Variants in GUCY2F observed in about 807,000 individuals in gnomAD.
The protein encoded by GUCY2F is guanylate cyclase 2F, retinal, also known as retinal guanylyl cyclase 2.
GUCY2F carries 61 observed loss-of-function variants against 73.1 expected under a neutral mutation model. That is an observed-to-expected ratio of 0.83 (90% confidence interval 0.68 to 1.03). The LOEUF is 1.03. Among genes scored for constraint, GUCY2F ranks in the 50% least tolerant of loss-of-function variants. GUCY2F has a pLI of 0.00. For missense variants in GUCY2F, 912 were observed against 854.3 expected (o/e 1.07, Z -0.84); for synonymous variants, 331 against 307.8 (o/e 1.08, Z -0.79).
chrX:109,381,968 CT>C, intron 17 of GUCY2F, 149 bp downstream of exon 17: 1 of 391,567 alleles, frequency 2.6e-6, no homozygotes, highest in Non-Finnish European at 4.6e-6. Context: ...ATGGAGCAAT[CT>C]TTTGGGAACC....
At chrX:109,381,168 A>G (rs1281367741) in intron 17 of GUCY2F, among the ~76,000 whole-genome samples, 3 of 112,551 alleles carry the variant, frequency 2.7e-5, no homozygotes, top group Non-Finnish European at 5.6e-5. Flanking sequence ...AAATCTAGCT[A>G]CATGTAACTT....
intron 2 of GUCY2F, among the ~76,000 whole-genome samples, chrX:109,472,215 A>G (rs1603386299): frequency 9.6e-6 from 1 of 104,085 alleles, no homozygotes; most frequent in Non-Finnish European, 2.0e-5. Flanking sequence ...CACTACAACC[A>G]CCACTGCTAC....
At chrX:109,439,874 C>T (rs1383444167) in intron 7 of GUCY2F, among the ~76,000 whole-genome samples, 2 of 111,867 alleles carry the variant, frequency 1.8e-5, no homozygotes, top group African/African-American at 3.2e-5. Flanking sequence ...CAAGAAGAAT[C>T]AGGCTTTCCA....
chrX:109,475,021 A>G (rs1166606377), intron 2 of GUCY2F, among the ~76,000 whole-genome samples, 186 bp downstream of exon 2: 1 of 112,190 alleles, frequency 8.9e-6, no homozygotes, highest in Non-Finnish European at 1.9e-5. Context: ...ACTGTTATTC[A>G]GTTCATAAAA....
intron 3 of GUCY2F, among the ~76,000 whole-genome samples, chrX:109,455,137 G>C (rs905056415): frequency 1.8e-5 from 2 of 111,109 alleles, no homozygotes; most frequent in African/African-American, 3.3e-5. Context: ...ACCGAACCCA[G>C]ACCAACAAAA....
In GUCY2F at chrX:109,441,495, T is replaced by C. The variant is rs1446655886; in HGVS notation, c.1570-13A>G. The C allele has an allele frequency of 8.8e-7, 1 of 1,139,287 alleles. No homozygotes were observed. The highest frequency in any genetic ancestry group is 1.2e-6 in the Non-Finnish European group (1 of 857,138). The allele number at this position is 1,139,287 out of a possible 1,213,427, so 93.9% of individuals were successfully genotyped here. ...CACGACTTCCTCTCTGTGAAAGGATTAGGAAAGAAAAGTTATGACCAAAAT... is the reference window on the plus strand; with the variant it reads ...CACGACTTCCTCTCTGTGAAAGGATCAGGAAAGAAAAGTTATGACCAAAAT... On this transcript the variant is annotated splice_polypyrimidine_tract_variant and intron_variant, in intron 6 of 19. Coordinates refer to ENST00000218006, the MANE Select transcript of GUCY2F (RefSeq NM_001522.3).
chrX:109,392,828 CT>C (rs878934421), intron 13 of GUCY2F, 63 bp downstream of exon 13: 51,470 of 478,066 alleles, frequency 0.11, no homozygotes, highest in East Asian at 0.14. Flanking sequence ...TTTTCTTTCT[CT>C]TTTTTTTTTT....
At chrX:109,462,054 T>C (rs1440161538) in intron 3 of GUCY2F, among the ~76,000 whole-genome samples, 6 of 112,678 alleles carry the variant, frequency 5.3e-5, no homozygotes, top group African/African-American at 9.7e-5. Flanking sequence ...AAGCTAAAGA[T>C]TGTAACTTAG....
At chrX:109,463,895 A>C (rs113732698) in intron 3 of GUCY2F, among the ~76,000 whole-genome samples, 1,605 of 112,067 alleles carry the variant, frequency 0.014, 32 homozygotes, top group African/African-American at 0.048. Flanking sequence ...TATGGCTTGT[A>C]AAGTGGAAAG....
At chrX:109,399,407 T>C (rs997803854) in intron 10 of GUCY2F, among the ~76,000 whole-genome samples, 1 of 112,130 alleles carries the variant, frequency 8.9e-6, no homozygotes, top group Non-Finnish European at 1.9e-5. Flanking sequence ...ATGAATCCAT[T>C]AAAGGTCAAA....
At chrX:109,423,469 G>T (rs779456959) in intron 8 of GUCY2F, among the ~76,000 whole-genome samples, 1 of 111,213 alleles carries the variant, frequency 9.0e-6, no homozygotes, top group South Asian at 3.8e-4. Context: ...GTGAGAAATG[G>T]GTGAAGGTAT....
At position 109,451,865 on chromosome X, in the gene GUCY2F, A is replaced by T. The variant is rs187278722; in HGVS notation, c.1472+158T>A. On this transcript the variant is annotated intron_variant, in intron 5 of 19. Transcript: ENST00000218006. The stretch of plus-strand genomic sequence containing the variant: ...GGCATCATGAAAACACTTCACTCTA[A>T]ATGGGGCCTGTAGGAATGGTAAACC... Among the ~76,000 whole-genome samples the T allele has an allele frequency of 3.6e-5, 4 of 111,816 alleles. No homozygotes were observed. In the East Asian group the frequency reaches 1.1e-3, roughly 31 times the overall value.
chrX:109,454,534 G>C (rs1434451202), intron 3 of GUCY2F, among the ~76,000 whole-genome samples: 2 of 111,685 alleles, frequency 1.8e-5, no homozygotes, highest in Non-Finnish European at 1.9e-5. Flanking sequence ...AAACCTATTG[G>C]TGTGCAAAGT....
chrX:109,388,513 G>A lies in GUCY2F; in HGVS notation c.2932C>T (p.Arg978Ter), dbSNP rs1331444939. Residue 978 changes from arginine to a stop codon, truncating the protein, a stop_gained, in exon 15 of 20, where the codon CGA becomes TGA. Transcript: ENST00000218006. LOFTEE classifies it high-confidence loss of function. ...CCTGAGTGAAGGCCAATTCGAATTC[G>A]GACCGGCACTTCTGGCATGTGCCGC... ...KMRHMPEVPV[R>*]IRIGLHSGPV... 5.0e-6 allele frequency: 6 copies of A among 1,204,835 alleles called. No homozygotes were observed. Among genetic ancestry groups the A allele is most frequent in the Middle Eastern group, 2.6e-4 (1 of 3,798 alleles).
In GUCY2F at chrX:109,475,714, C is replaced by T; in HGVS notation, c.223G>A (p.Ala75Thr). The change falls in exon 2 of 20, where the codon GCT becomes ACT. Residue 75 changes from alanine (A) to threonine (T), a missense_variant. Transcript: ENST00000218006. ...ATTCGCTCAATGGCTAATCGCGCAG[C>T]AACCTCAGGCAGGGCCTTTGAAAAC... is the stretch of plus-strand genomic sequence containing the variant. ...SLFSKALPEV[A>T]ARLAIERINR... is the part of the protein sequence containing the mutation. 1 of 1,211,213 alleles carries T rather than the reference C, an allele frequency of 8.3e-7. No individual in the cohort carries two copies. Among genetic ancestry groups the T allele is most frequent in the Non-Finnish European group, 1.1e-6 (1 of 895,151 alleles).
rs149085335 is a variant in GUCY2F, at chrX:109,406,255, G to C, written c.1969-1771C>G. Among the ~76,000 whole-genome samples the C allele has an allele frequency of 5.9e-3, 660 of 111,676 alleles. 4 individuals are homozygous for C. Among genetic ancestry groups the C allele is most frequent in the African/African-American group, 0.02 (624 of 30,705 alleles). On this transcript the variant is annotated intron_variant, in intron 9 of 19. Transcript: ENST00000218006. The stretch of plus-strand genomic sequence containing the variant: ...AAAGGTGATGCCTGATAGATCCACT[G>C]GTCTTTTGGTTTTCCAGTGGCACTG...
chrX:109,435,161 A>T (rs964214045), intron 7 of GUCY2F, among the ~76,000 whole-genome samples: 3 of 111,691 alleles, frequency 2.7e-5, no homozygotes, highest in Non-Finnish European at 3.8e-5. Flanking sequence ...CAATTCTGTG[A>T]AGAAAGTCAT....
chrX:109,429,028 G>T (rs753316899), intron 8 of GUCY2F, among the ~76,000 whole-genome samples: 3 of 112,093 alleles, frequency 2.7e-5, no homozygotes, highest in Non-Finnish European at 5.6e-5. Flanking sequence ...GTGTAGAATT[G>T]TCTATTTTAG....
intron 9 of GUCY2F, among the ~76,000 whole-genome samples, chrX:109,408,612 G>A (rs1349808039): frequency 8.9e-6 from 1 of 112,206 alleles, no homozygotes; most frequent in Admixed American, 9.4e-5. Context: ...AGGGACCCGG[G>A]GGAGGTAATT....
Sources: allele counts gnomAD v4.1 joint callset (sites outside exome capture counted in the v4.1 genomes callset), GRCh38; gene constraint gnomAD v4.1.1; transcripts MANE v1.5; gene names NCBI Gene and HGNC (gene_info 2026-07-23, HGNC 2026-07-21).